The following EAF2 variants were observed in gnomAD, a reference collection of about 807,000 sequenced individuals.
EAF2 encodes the protein ELL associated factor 2, also known as ELL-associated factor 2.
Under a neutral mutation model 29.4 loss-of-function variants are expected in EAF2, and 29 were observed. That is an observed-to-expected ratio of 0.99 (90% confidence interval 0.73 to 1.35). EAF2 has a LOEUF of 1.35. Among genes scored for constraint, EAF2 ranks in the 40% most tolerant of loss-of-function variants. The pLI is 0.00. For synonymous variants in EAF2, 103 were observed against 102.5 expected (o/e 1.00, Z -0.03); for missense variants, 292 against 312.0 (o/e 0.94, Z 0.48).
At chr3:121,850,997 G>A (rs1356428098) in intron 2 of EAF2, among the ~76,000 whole-genome samples, 3 of 152,170 alleles carry the variant, frequency 2.0e-5, no homozygotes, top group Middle Eastern at 3.4e-3. Context: ...CACCGTGCCC[G>A]GCCAAGTCTA....
intron 5 of EAF2, among the ~76,000 whole-genome samples, chr3:121,874,177 A>G (rs1000142339): frequency 1.3e-5 from 2 of 151,790 alleles, no homozygotes; most frequent in African/African-American, 2.4e-5. Context: ...TAATCTCACT[A>G]TGTTTATTAA....
At chr3:121,871,169 TATATA>T (rs575947641) in intron 4 of EAF2, among the ~76,000 whole-genome samples, 2 of 151,354 alleles carry the variant, frequency 1.3e-5, no homozygotes, top group African/African-American at 2.4e-5. Flanking sequence ...GTGGTATATT[TATATA>T]ATATAATATA....
At chr3:121,859,053 T>C (rs535191326) in intron 4 of EAF2, among the ~76,000 whole-genome samples, 1 of 152,330 alleles carries the variant, frequency 6.6e-6, no homozygotes, top group East Asian at 1.9e-4. Flanking sequence ...ACCAGTACTA[T>C]GGTGTTTTGA....
intron 1 of EAF2, among the ~76,000 whole-genome samples, chr3:121,842,711 ATACT>A (rs1708458277): frequency 1.3e-5 from 2 of 152,102 alleles, no homozygotes; most frequent in South Asian, 2.1e-4. Context: ...TATCTCTGTG[ATACT>A]TACTCAAGTT....
At chr3:121,877,838 C>T (rs1228203399) in intron 5 of EAF2, among the ~76,000 whole-genome samples, 2 of 152,004 alleles carry the variant, frequency 1.3e-5, no homozygotes, top group Admixed American at 1.3e-4. Flanking sequence ...TGGTCATTCA[C>T]AGGTGCAAAC....
intron 3 of EAF2, 47 bp from the exon 4 acceptor site, chr3:121,856,964 T>G (rs755203232): frequency 6.5e-7 from 1 of 1,534,370 alleles, no homozygotes; most frequent in Non-Finnish European, 8.8e-7. Flanking sequence ...AAATTTTTGT[T>G]ACATTGCTGT....
At chr3:121,866,950 A>G (rs1287030853) in intron 4 of EAF2, among the ~76,000 whole-genome samples, 1 of 152,162 alleles carries the variant, frequency 6.6e-6, no homozygotes. Context: ...CAAAATAGAA[A>G]ATCACATTAA....
intron 4 of EAF2, among the ~76,000 whole-genome samples, chr3:121,863,480 G>C (rs915506560): frequency 1.3e-5 from 2 of 152,172 alleles, no homozygotes; most frequent in Non-Finnish European, 2.9e-5. Context: ...AGGCTCCGTG[G>C]GCATGGGACC....
intron 4 of EAF2, among the ~76,000 whole-genome samples, chr3:121,869,116 TG>T (rs1708970801): frequency 6.6e-6 from 1 of 152,166 alleles, no homozygotes; most frequent in South Asian, 2.1e-4. Flanking sequence ...AAAAGATCCA[TG>T]GGTTAAAGAA....
intron 4 of EAF2, among the ~76,000 whole-genome samples, chr3:121,859,805 GGTTTGTCAT>G (rs1179096032): frequency 1.3e-5 from 2 of 152,058 alleles, no homozygotes; most frequent in Non-Finnish European, 2.9e-5. Flanking sequence ...ATTGGCTGTG[GGTTTGTCAT>G]AAATAGCTCT....
chr3:121,845,467 G>GAAAGAAAGAA (rs1553726228), intron 2 of EAF2, among the ~76,000 whole-genome samples: 4 of 126,538 alleles, frequency 3.2e-5, no homozygotes, highest in Non-Finnish European at 6.8e-5. Flanking sequence ...AAAAAAGAAA[G>GAAAGAAAGAA]AAAGAAAAAG....
chr3:121,881,359 AC>A (rs1709188096), intron 5 of EAF2, among the ~76,000 whole-genome samples: 1 of 151,578 alleles, frequency 6.6e-6, no homozygotes, highest in African/African-American at 2.4e-5. Context: ...TTGATGGGAG[AC>A]TTTTTATTAC....
chr3:121,860,752 C>A (rs6438681), intron 4 of EAF2, among the ~76,000 whole-genome samples: 22,224 of 151,972 alleles, frequency 0.15, 2,022 homozygotes, highest in African/African-American at 0.25. Context: ...AGTTCTTTGA[C>A]TGGTGATGTT....
In EAF2 at chr3:121,858,099, T is replaced by C. The variant is rs562663433; in HGVS notation, c.484+943T>C. Among the ~76,000 whole-genome samples, 9 of 152,314 alleles carry C rather than the reference T, an allele frequency of 5.9e-5. No individual in the cohort carries two copies. The East Asian group carries it at 1.7e-3, about 29-fold the overall frequency. The stretch of plus-strand genomic sequence containing the variant: ...GGACATTTGGGTTGGTTCCAAGTCT[T>C]TGCTATTGTGAATAGTGCCACAATA... On this transcript the variant is annotated intron_variant, in intron 4 of 5. Transcript: ENST00000273668.
At chr3:121,867,336 C>T (rs1182917181) in intron 4 of EAF2, among the ~76,000 whole-genome samples, 2 of 151,948 alleles carry the variant, frequency 1.3e-5, no homozygotes, top group African/African-American at 2.4e-5. Context: ...GAAATTGATG[C>T]CAAGGTACAT....
chr3:121,843,092 T>TA (rs1158619678), intron 1 of EAF2, among the ~76,000 whole-genome samples: 24 of 152,308 alleles, frequency 1.6e-4, no homozygotes, highest in African/African-American at 5.1e-4. Flanking sequence ...TTTCTGTAAA[T>TA]TGTTTATATT....
rs1708734492 is a variant in EAF2 at position 121,857,142 on chromosome 3, A to C, written c.470A>C (p.Asp157Ala). ...AAGATGTCCCCAGCATCTCCAATAGATGATATCGAAAGAGGTAAAATCTAA... is the reference window on the plus strand; with the variant it reads ...AAGATGTCCCCAGCATCTCCAATAGCTGATATCGAAAGAGGTAAAATCTAA... The part of the protein sequence containing the change: ...EDKMSPASPI[D>A]DIERELKAEA... Residue 157 changes from aspartate (D) to alanine (A), a missense_variant, in exon 4 of 6, where the codon GAT (aspartate) becomes GCT (alanine). By Grantham distance (126) the Asp-to-Ala change is moderately radical. Transcript: ENST00000273668. The C allele has an allele frequency of 6.2e-7, 1 of 1,609,838 alleles. No individual in the cohort carries two copies. The highest frequency in any genetic ancestry group is 2.2e-5 in the East Asian group (1 of 44,824).
intron 4 of EAF2, among the ~76,000 whole-genome samples, chr3:121,870,382 G>A (rs1045517863): frequency 1.4e-4 from 21 of 152,122 alleles, no homozygotes; most frequent in Admixed American, 1.4e-3. Context: ...TATGGATGAG[G>A]GTGAGAGGGA....
intron 2 of EAF2, among the ~76,000 whole-genome samples, chr3:121,852,382 C>G (rs1411737336): frequency 6.6e-6 from 1 of 152,092 alleles, no homozygotes; most frequent in Non-Finnish European, 1.5e-5. Flanking sequence ...CCAAGTAGAC[C>G]CACTTTGTTT....
Sources: allele counts gnomAD v4.1 joint callset (sites outside exome capture counted in the v4.1 genomes callset), GRCh38; gene constraint gnomAD v4.1.1; transcripts MANE v1.5; gene names NCBI Gene and HGNC (gene_info 2026-07-23, HGNC 2026-07-21).